Variants in TMEM233 observed in about 807,000 individuals in gnomAD.
TMEM233 encodes transmembrane protein 233.
Under a neutral mutation model 11.2 loss-of-function variants are expected in TMEM233, and 6 were observed. That is an observed-to-expected ratio of 0.54 (90% CI 0.29 to 1.06). The LOEUF (loss-of-function observed/expected upper bound fraction) is 1.06, where lower values mean the gene tolerates loss of function less well. Ranked by LOEUF, TMEM233 falls within the 50% of genes least tolerant of loss-of-function variation. The pLI is 0.08. For missense variants in TMEM233, 127 were observed against 144.7 expected (o/e 0.88, Z 0.63); for synonymous variants, 59 against 55.8 (o/e 1.06, Z -0.26).
chr12:119,603,237 C>T (rs1000293710), intron 1 of TMEM233, among the ~76,000 whole-genome samples: 1 of 152,174 alleles, frequency 6.6e-6, no homozygotes, highest in Non-Finnish European at 1.5e-5. Context: ...CGCCACTGCA[C>T]TCTAGCCTGG....
At chr12:119,610,152 G>A (rs1202610502) in intron 1 of TMEM233, among the ~76,000 whole-genome samples, 2 of 152,222 alleles carry the variant, frequency 1.3e-5, no homozygotes, top group Non-Finnish European at 2.9e-5. Flanking sequence ...ATTTTGAAAC[G>A]TTAAGGTTTA....
In TMEM233 at chr12:119,621,716, G is replaced by A. The variant is rs188506846; in HGVS notation, c.187-8020G>A. Among the ~76,000 whole-genome samples the A allele has an allele frequency of 1.4e-3, 208 of 152,208 alleles. 1 individual carries two copies. Among genetic ancestry groups the A allele is most frequent in the Admixed American group, 0.012 (182 of 15,290 alleles). On this transcript the variant is annotated intron_variant, in intron 1 of 2. Coordinates refer to ENST00000426426, the MANE Select transcript of TMEM233 (RefSeq NM_001136534.3). ...TGAAAAACATTTAACACAGTGTCTG[G>A]CATATACTAAATGCCTCATAAATAC...
chr12:119,595,494 G>A lies in TMEM233; in HGVS notation c.186+1460G>A, dbSNP rs1227991143. Reference sequence around the variant, plus strand: ...ACAGCGTCTGCACCGATATGAAAGCGTGCAGCCGCTGAAGTTCAGACAAGT... The same window carrying A: ...ACAGCGTCTGCACCGATATGAAAGCATGCAGCCGCTGAAGTTCAGACAAGT... On this transcript the variant is annotated intron_variant, in intron 1 of 2. Transcript: ENST00000426426. This position sits in a 1 kb window ranked among gnomAD's most constrained non-coding sequence, Gnocchi z 4.3. 6.6e-6 allele frequency among the ~76,000 whole-genome samples: 1 copy of A among 152,218 alleles called. No individual in the cohort carries two copies. The highest frequency in any genetic ancestry group is 2.4e-5 in the African/African-American group (1 of 41,454).
chr12:119,644,502 G>A (rs1593317768), downstream of TMEM233, among the ~76,000 whole-genome samples: 1 of 131,926 alleles, frequency 7.6e-6, no homozygotes. Flanking sequence ...TTTTTGAGAT[G>A]GAGTTTCACT....
the TMEM233 span, among the ~76,000 whole-genome samples, chr12:119,653,169 G>A: frequency 6.6e-5 from 10 of 152,128 alleles, no homozygotes; most frequent in East Asian, 1.4e-3. Context: ...CGAGGTGGAT[G>A]GATCACGAGG....
chr12:119,596,041 T>TC (rs959172025), intron 1 of TMEM233, among the ~76,000 whole-genome samples: 3 of 152,144 alleles, frequency 2.0e-5, no homozygotes, highest in Admixed American at 6.5e-5. Flanking sequence ...AACCTTTTTT[T>TC]CCCATCCTGG....
At chr12:119,600,413 C>T (rs1450249286) in intron 1 of TMEM233, among the ~76,000 whole-genome samples, 1 of 148,250 alleles carries the variant, frequency 6.7e-6, no homozygotes, top group African/African-American at 2.5e-5. Flanking sequence ...AGCAGAAGCT[C>T]CTTTGAGCTG....
chr12:119,643,548 C>T (rs1009367199), downstream of TMEM233, among the ~76,000 whole-genome samples: 9 of 152,174 alleles, frequency 5.9e-5, no homozygotes, highest in Non-Finnish European at 1.3e-4. Context: ...GCAGGTGGAT[C>T]ATAAAGTCAG....
At chr12:119,622,100 A>G (rs1046378670) in intron 1 of TMEM233, among the ~76,000 whole-genome samples, 5 of 152,206 alleles carry the variant, frequency 3.3e-5, no homozygotes, top group Non-Finnish European at 7.3e-5. Flanking sequence ...GACTAGACAG[A>G]CTGACTCTGT....
At chr12:119,612,444 G>A (rs12827937) in intron 1 of TMEM233, among the ~76,000 whole-genome samples, 57,552 of 151,870 alleles carry the variant, frequency 0.38, 12,461 homozygotes, top group East Asian at 0.56. Context: ...GCAAAACCCC[G>A]TCTTCAAAAA....
downstream of TMEM233, among the ~76,000 whole-genome samples, chr12:119,643,448 T>A (rs1047254674): frequency 7.9e-5 from 12 of 152,178 alleles, no homozygotes; most frequent in African/African-American, 2.7e-4. Flanking sequence ...AGACTGCCCC[T>A]GCTCCACTCG....
At chr12:119,634,512 C>T (rs1182238375) in intron 2 of TMEM233, among the ~76,000 whole-genome samples, 2 of 151,836 alleles carry the variant, frequency 1.3e-5, no homozygotes, top group Non-Finnish European at 2.9e-5. Flanking sequence ...ATTTGGGAGG[C>T]GGAAGCAGGA....
At chr12:119,621,073 G>A (rs1954631835) in intron 1 of TMEM233, among the ~76,000 whole-genome samples, 1 of 144,156 alleles carries the variant, frequency 6.9e-6, no homozygotes, top group Admixed American at 7.0e-5. Flanking sequence ...TCTGAAACAG[G>A]GTCTTTCTCT....
intron 1 of TMEM233, among the ~76,000 whole-genome samples, chr12:119,598,229 G>C (rs896066892): frequency 6.6e-6 from 1 of 152,174 alleles, no homozygotes; most frequent in African/African-American, 2.4e-5. Context: ...CAAAGAAGTG[G>C]GGCTCTAGGC....
chr12:119,611,232 T>C (rs1428769461), intron 1 of TMEM233, among the ~76,000 whole-genome samples: 1 of 152,170 alleles, frequency 6.6e-6, no homozygotes, highest in Non-Finnish European at 1.5e-5. Context: ...ACAATATGTT[T>C]AACTTGTTGA....
At chr12:119,606,017 C>A (rs1954272667) in intron 1 of TMEM233, among the ~76,000 whole-genome samples, 3 of 152,168 alleles carry the variant, frequency 2.0e-5, no homozygotes, top group Admixed American at 1.3e-4. Flanking sequence ...GAAGCCCAGT[C>A]TCAGAATGCC....
intron 1 of TMEM233, among the ~76,000 whole-genome samples, chr12:119,597,727 A>T (rs1324424348): frequency 2.0e-5 from 3 of 152,174 alleles, no homozygotes; most frequent in Non-Finnish European, 2.9e-5. Flanking sequence ...CTCTAGTCCA[A>T]CATGTCATGT....
intron 2 of TMEM233, among the ~76,000 whole-genome samples, chr12:119,637,006 AG>A (rs1954979082): frequency 6.6e-6 from 1 of 152,174 alleles, no homozygotes; most frequent in African/African-American, 2.4e-5. Context: ...GGCTGGGTTT[AG>A]GGTTCATGGC....
At chr12:119,626,598 A>G (rs866707160) in intron 1 of TMEM233, among the ~76,000 whole-genome samples, 2 of 143,956 alleles carry the variant, frequency 1.4e-5, no homozygotes, top group Non-Finnish European at 3.1e-5. Flanking sequence ...AGAGAAGAGA[A>G]AAAAGAAAAG....
Sources: allele counts gnomAD v4.1 joint callset (sites outside exome capture counted in the v4.1 genomes callset), GRCh38; gene constraint gnomAD v4.1.1; non-coding constraint Gnocchi (gnomAD v3.1); transcripts MANE v1.5; gene names NCBI Gene and HGNC (gene_info 2026-07-23, HGNC 2026-07-21).